Variants in ZNF740 observed in about 807,000 individuals in gnomAD.
ZNF740 encodes zinc finger protein 740.
A neutral mutation model predicts 24.8 loss-of-function variants in ZNF740; 14 were observed. The ratio of observed to expected loss-of-function variants is 0.56; its 90% CI spans 0.37 to 0.88. The LOEUF is 0.88. Ranked by LOEUF, ZNF740 falls within the 40% of genes least tolerant of loss-of-function variation. ZNF740 has a pLI of 0.00. For missense variants in ZNF740, 201 were observed against 247.9 expected (o/e 0.81, Z 1.27); for synonymous variants, 69 against 84.0 (o/e 0.82, Z 0.98).
rs199659993 is a variant in ZNF740, at chr12:53,192,679, C to T, written c.*5089C>T. On this transcript the variant is annotated 3_prime_UTR_variant, in exon 7 of 7. Coordinates refer to ENST00000416904, the MANE Select transcript of ZNF740 (RefSeq NM_001004304.4). Reference sequence around the variant, plus strand: ...TGCCCCTGCTCCCAAGATGCAAGACCTGAGGCCTCACCGGTGTCTCTCGCA... The same window carrying T: ...TGCCCCTGCTCCCAAGATGCAAGACTTGAGGCCTCACCGGTGTCTCTCGCA... 8.6e-5 allele frequency: 139 copies of T among 1,611,482 alleles called. 1 individual carries two copies. In the East Asian group the frequency reaches 2.7e-3, roughly 32 times the overall value.
chr12:53,187,593 G>T lies in ZNF740; in HGVS notation c.*3G>T. On this transcript the variant is annotated 3_prime_UTR_variant, in exon 7 of 7. Transcript: ENST00000416904. ...CCGACGGGCAGTTTTCTCTATAGGC[G>T]CAAGGGGCCCCGGGTGGTGGGAGTG... The T allele has an allele frequency of 6.2e-7, 1 of 1,613,542 alleles. No individual in the cohort carries two copies. The highest frequency in any genetic ancestry group is 2.2e-5 in the East Asian group (1 of 44,882).
At position 53,185,943 on chromosome 12, in the gene ZNF740, A is replaced by T. The variant is rs1382797845; in HGVS notation, c.250-11A>T. ...TGGTGGCCTCATGACATGCCTGATT[A>T]TTGCCCCCAGGTGGTGGTAGTGGAA... On this transcript the variant is annotated splice_polypyrimidine_tract_variant and intron_variant, in intron 4 of 6. Coordinates refer to ENST00000416904, the MANE Select transcript of ZNF740 (RefSeq NM_001004304.4). The T allele has an allele frequency of 2.2e-5, 35 of 1,613,202 alleles. No individual in the cohort carries two copies. The highest frequency in any genetic ancestry group is 3.0e-5 in the Non-Finnish European group (35 of 1,179,562).
rs1486776488 is a variant in ZNF740 at position 53,189,785 on chromosome 12, C to T, written c.*2195C>T. The T allele has an allele frequency of 6.6e-6, 1 of 152,150 alleles. No individual in the cohort carries two copies. The highest frequency in any genetic ancestry group is 2.4e-5 in the African/African-American group (1 of 41,404). The allele number at this position is 152,150 out of a possible 1,614,324, so 9.4% of individuals were successfully genotyped here. ...TCCTTCACTTCTGGGATGATTCACC[C>T]CACATCTTCCAGTACCCTGTAAACC... On this transcript the variant is annotated 3_prime_UTR_variant, in exon 7 of 7. Coordinates refer to ENST00000416904, the MANE Select transcript of ZNF740 (RefSeq NM_001004304.4).
rs1941657187 is a variant in ZNF740 at position 53,181,857 on chromosome 12, A to T, written c.-127A>T. On this transcript the variant is annotated 5_prime_UTR_variant, in exon 2 of 7. Transcript: ENST00000416904. ...TGAAGACAAAGTTCAATATGGCAACAGGACTGATGGGACACGAAGGAGTCG... is the reference window on the plus strand; with the variant it reads ...TGAAGACAAAGTTCAATATGGCAACTGGACTGATGGGACACGAAGGAGTCG... 1 of 1,198,894 alleles carries T rather than the reference A, an allele frequency of 8.3e-7. No individual in the cohort carries two copies. The allele number at this position is 1,198,894 out of a possible 1,614,324, so 74.3% of individuals were successfully genotyped here.
Position 53,191,237 on chromosome 12 carries a change from G to T in ZNF740, c.*3647G>T. ...CTCTCCCTGCCCTCAGGTGGCAAGAGGAGGATGGACAAGAGCTTTCCCGAG... is the reference window on the plus strand; with the variant it reads ...CTCTCCCTGCCCTCAGGTGGCAAGATGAGGATGGACAAGAGCTTTCCCGAG... On this transcript the variant is annotated 3_prime_UTR_variant, in exon 7 of 7. Coordinates refer to ENST00000416904, the MANE Select transcript of ZNF740 (RefSeq NM_001004304.4). 1 of 349,540 alleles carries T rather than the reference G, an allele frequency of 2.9e-6. No homozygotes were observed. The highest frequency in any genetic ancestry group is 5.5e-6 in the Non-Finnish European group (1 of 181,556). The allele number at this position is 349,540 out of a possible 1,614,324, so 21.7% of individuals were successfully genotyped here.
Position 53,191,671 on chromosome 12 carries a change from C to G in ZNF740, c.*4081C>G, listed in dbSNP as rs1941949206. On this transcript the variant is annotated 3_prime_UTR_variant, in exon 7 of 7. Coordinates refer to ENST00000416904, the MANE Select transcript of ZNF740 (RefSeq NM_001004304.4). The stretch of plus-strand genomic sequence containing the variant: ...GATGTTGCAGATTATAAGCAAAAAT[C>G]CCAGGATTCCTCGTCCCCTTTCTAG... The G allele has an allele frequency of 1.3e-6, 2 of 1,587,724 alleles. No homozygotes were observed. Among genetic ancestry groups the G allele is most frequent in the South Asian group, 2.2e-5 (2 of 90,538 alleles).
At position 53,190,166 on chromosome 12, in the gene ZNF740, G is replaced by A. The variant is rs1324010096; in HGVS notation, c.*2576G>A. ...CTGATGTCTGGGGCAGTGCATGTGT[G>A]AGAAGAGAGGCGCAAAGCAGTGAAA... On this transcript the variant is annotated 3_prime_UTR_variant, in exon 7 of 7. Coordinates refer to ENST00000416904, the MANE Select transcript of ZNF740 (RefSeq NM_001004304.4). The A allele has an allele frequency of 6.6e-6, 1 of 152,490 alleles. No homozygotes were observed. Among genetic ancestry groups the A allele is most frequent in the Non-Finnish European group, 1.5e-5 (1 of 68,130 alleles). The allele number at this position is 152,490 out of a possible 1,614,324, so 9.4% of individuals were successfully genotyped here. A position where few individuals can be genotyped will look rare whatever the true frequency, so the allele number is the denominator to read the frequency against.
chr12:53,180,752 C>G lies in ZNF740; in HGVS notation c.-393C>G. 4 of 1,266,226 alleles carry G rather than the reference C, an allele frequency of 3.2e-6. No homozygotes were observed. The highest frequency in any genetic ancestry group is 3.1e-6 in the Non-Finnish European group (3 of 978,194). The allele number at this position is 1,266,226 out of a possible 1,614,324, so 78.4% of individuals were successfully genotyped here. A position where few individuals can be genotyped will look rare whatever the true frequency, so the allele number is the denominator to read the frequency against. ...CTTGCCTCGGTCCCGGTGGGGGCAG[C>G]CGCGGCGGTGGGGTTGGCAGGGTGT... is the stretch of plus-strand genomic sequence containing the variant. On this transcript the variant is annotated 5_prime_UTR_variant, in exon 1 of 7. Coordinates refer to ENST00000416904, the MANE Select transcript of ZNF740 (RefSeq NM_001004304.4).
chr12:53,181,871 A>G lies in ZNF740; in HGVS notation c.-113A>G. On this transcript the variant is annotated 5_prime_UTR_variant, in exon 2 of 7. Transcript: ENST00000416904. ...AATATGGCAACAGGACTGATGGGACACGAAGGAGTCGCTACCGTGATTTGG... is the reference window on the plus strand; with the variant it reads ...AATATGGCAACAGGACTGATGGGACGCGAAGGAGTCGCTACCGTGATTTGG... The G allele has an allele frequency of 1.5e-6, 2 of 1,362,474 alleles. No homozygotes were observed. The highest frequency in any genetic ancestry group is 2.0e-6 in the Non-Finnish European group (2 of 979,078). The allele number at this position is 1,362,474 out of a possible 1,614,324, so 84.4% of individuals were successfully genotyped here.
Position 53,186,387 on chromosome 12 carries a change from C to T in ZNF740, c.374-4C>T. The T allele has an allele frequency of 6.4e-7, 1 of 1,567,540 alleles. No individual in the cohort carries two copies. The highest frequency in any genetic ancestry group is 1.4e-5 in the African/African-American group (1 of 74,044). On this transcript the variant is annotated splice_polypyrimidine_tract_variant and splice_region_variant and intron_variant, in intron 5 of 6. Coordinates refer to ENST00000416904, the MANE Select transcript of ZNF740 (RefSeq NM_001004304.4). ...ACATTCACTTCTCTGTCCACCTGGG[C>T]CAGGTGAGAAGCCATTTGAATGCGA...
chr12:53,186,200 G>A, intron 5 of ZNF740, 123 bp downstream of exon 5: 2 of 1,346,526 alleles, frequency 1.5e-6, no homozygotes, highest in Non-Finnish European at 2.0e-6. Context: ...AAGAAGATAA[G>A]TCAATGAAGC....
Position 53,189,943 on chromosome 12 carries a change from T to A in ZNF740, c.*2353T>A, listed in dbSNP as rs1012965878. ...GAGATTCATGTAAGTCTCACATGAG[T>A]GACCTGTGCCCCTATGTGTACTAAT... On this transcript the variant is annotated 3_prime_UTR_variant, in exon 7 of 7. Coordinates refer to ENST00000416904, the MANE Select transcript of ZNF740 (RefSeq NM_001004304.4). 1 of 148,158 alleles carries A rather than the reference T, an allele frequency of 6.7e-6. No individual in the cohort carries two copies. The highest frequency in any genetic ancestry group is 1.5e-5 in the Non-Finnish European group (1 of 67,544). 9.2% of individuals were successfully genotyped at this position (148,158 alleles called of 1,614,324 possible). A position where few individuals can be genotyped will look rare whatever the true frequency, so the allele number is the denominator to read the frequency against.
intron 6 of ZNF740, 63 bp downstream of exon 6, chr12:53,186,572 C>T: frequency 1.5e-6 from 2 of 1,327,476 alleles, no homozygotes; most frequent in Non-Finnish European, 2.1e-6. Context: ...ATCAGGGCCA[C>T]CCTCCACTCC....
intron 5 of ZNF740, 22 bp downstream of exon 5, chr12:53,186,099 A>G (rs769607974): frequency 1.9e-6 from 3 of 1,605,164 alleles, no homozygotes; most frequent in Non-Finnish European, 2.6e-6. Context: ...GTTTATATTC[A>G]AAAGGGGGAG....
rs775977866 is a variant in ZNF740, at chr12:53,187,546, C to G, written c.538C>G (p.Gln180Glu). Residue 180 changes from glutamine (Q) to glutamate (E), a missense_variant, in exon 7 of 7, where the codon CAA (glutamine) becomes GAA (glutamate). Around this residue, in one of 3 missense-constraint regions of ZNF740, gnomAD observed 24 missense variants for 17.8 expected, o/e 1.35. Transcript: ENST00000416904. ...DRLLRHKRMC[Q>E]GCQSKTSDGQ... ...ATTACTCAGACACAAACGGATGTGC[C>G]AAGGGTGCCAGTCCAAGACTTCCGA... 2.5e-6 allele frequency: 4 copies of G among 1,613,874 alleles called. No homozygotes were observed. In the African/African-American group the frequency reaches 5.3e-5, roughly 22 times the overall value.
intron 4 of ZNF740, 150 bp from the exon 5 acceptor site, chr12:53,185,804 T>C: frequency 9.1e-7 from 1 of 1,098,120 alleles, no homozygotes; most frequent in Non-Finnish European, 1.3e-6. Context: ...AAGGGTCTCT[T>C]ACCTCCATGG....
At position 53,187,644 on chromosome 12, in the gene ZNF740, AC is replaced by A. The variant is rs1442927768; in HGVS notation, c.*59del. Reference sequence around the variant, plus strand: ...ATCAGAAGAACCTGCCGAAGAGCACACCCCCTCTGGTCTGATGGTCCCACCA... The same window carrying A: ...ATCAGAAGAACCTGCCGAAGAGCACACCCCTCTGGTCTGATGGTCCCACCA... On this transcript the variant is annotated 3_prime_UTR_variant, in exon 7 of 7. Transcript: ENST00000416904. 2.1e-6 allele frequency: 3 copies of A among 1,442,062 alleles called. No individual in the cohort carries two copies. Among genetic ancestry groups the A allele is most frequent in the African/African-American group, 1.4e-5 (1 of 71,452 alleles). 89.3% of individuals were successfully genotyped at this position (1,442,062 alleles called of 1,614,324 possible). A position where few individuals can be genotyped will look rare whatever the true frequency, so the allele number is the denominator to read the frequency against.
chr12:53,191,869 T>C lies in ZNF740; in HGVS notation c.*4279T>C, dbSNP rs201226177. 5.6e-6 allele frequency: 9 copies of C among 1,613,536 alleles called. No individual in the cohort carries two copies. The East Asian group carries it at 2.0e-4, about 36-fold the overall frequency. On this transcript the variant is annotated 3_prime_UTR_variant, in exon 7 of 7. Transcript: ENST00000416904. ...AGGAAGTCTCCTCACCTGCTTCCAG[T>C]TGAGTTGTTGCTGCTCCTTCTCAAA...
In ZNF740 at chr12:53,194,111, T is replaced by A; in HGVS notation, c.*6521T>A. The A allele has an allele frequency of 6.4e-7, 1 of 1,571,312 alleles. No homozygotes were observed. Among genetic ancestry groups the A allele is most frequent in the Non-Finnish European group, 8.7e-7 (1 of 1,147,754 alleles). ...CCTCAGGCTCTCATGTCACTCCCTG[T>A]ACCTGCCACCCATCTTTTCCTGCCT... On this transcript the variant is annotated 3_prime_UTR_variant, in exon 7 of 7. Coordinates refer to ENST00000416904, the MANE Select transcript of ZNF740 (RefSeq NM_001004304.4).
Sources: gnomAD v4.1 joint callset for allele counts on GRCh38, gnomAD v4.1.1 for gene constraint, gnomAD v4.1.1 regional missense constraint, MANE v1.5 for transcripts, NCBI Gene and HGNC (gene_info 2026-07-23, HGNC 2026-07-21) for gene names.